Variants in CCL4L2 observed in about 807,000 individuals in gnomAD.
The protein encoded by CCL4L2 is C-C motif chemokine ligand 4 like 2.
Under a neutral mutation model 5.9 loss-of-function variants are expected in CCL4L2, and 3 were observed. That is an observed-to-expected ratio of 0.51 (90% confidence interval 0.23 to 1.32). The LOEUF is 1.32. CCL4L2 is among the 40% of genes most tolerant of loss of function. The pLI, the probability that CCL4L2 is intolerant of heterozygous loss-of-function variation, is 0.18. For synonymous variants in CCL4L2, 36 were observed against 47.6 expected, an observed-to-expected ratio of 0.76 and a Z score of 1.00; for missense variants, 74 against 121.2, an observed-to-expected ratio of 0.61 and a Z score of 1.83.
At chr17:36,211,239 C>A in intron 1 of CCL4L2, 22 bp downstream of exon 1, 1 of 1,579,936 alleles carries the variant, frequency 6.3e-7, no homozygotes, top group Non-Finnish European at 8.7e-7. Context: ...TTTGCAGCTG[C>A]TATTTCGAGT....
intron 2 of CCL4L2, chr17:36,212,225 G>C: frequency 1.4e-6 from 1 of 715,100 alleles, no homozygotes; most frequent in South Asian, 1.5e-5. Flanking sequence ...GCAGGGAATG[G>C]GGCAATCTAT....
intron 1 of CCL4L2, chr17:36,211,544 T>C: frequency 1.5e-6 from 1 of 681,432 alleles, no homozygotes; most frequent in Non-Finnish European, 2.7e-6. Context: ...GGGAGTGCGA[T>C]GTGTTCTGAG....
chr17:36,212,285 G>T, intron 2 of CCL4L2: 1 of 829,618 alleles, frequency 1.2e-6, no homozygotes, highest in Non-Finnish European at 2.1e-6. Context: ...AACCCCTGGG[G>T]CCCACAGCTA....
At position 36,211,659 on chromosome 17, in the gene CCL4L2, G is replaced by T. The variant is rs2068778991; in HGVS notation, c.77-117G>T. On this transcript the variant is annotated intron_variant, in intron 1 of 2. Coordinates refer to ENST00000617405, the MANE Select transcript of CCL4L2 (RefSeq NM_001291475.2). ...ATGTTAGGTGGGAATGGATACAAGG[G>T]ACCATATTTGGGGTTCTGGTAGCTC... 19 of 1,151,092 alleles carry T rather than the reference G, an allele frequency of 1.7e-5. 2 individuals are homozygous for T. The highest frequency in any genetic ancestry group is 1.3e-5 in the South Asian group (1 of 78,522). The allele number at this position is 1,151,092 out of a possible 1,614,324, so 71.3% of individuals were successfully genotyped here. A position where few individuals can be genotyped will look rare whatever the true frequency, so the allele number is the denominator to read the frequency against.
At chr17:36,211,914 C>G (rs765962312) in intron 2 of CCL4L2, 24 bp downstream of exon 2, 1 of 1,575,442 alleles carries the variant, frequency 6.3e-7, no homozygotes, top group Non-Finnish European at 8.7e-7. Flanking sequence ...CCTGGCTGCC[C>G]TGGGAGGCAA....
chr17:36,211,811 T>A lies in CCL4L2; in HGVS notation c.112T>A (p.Tyr38Asn). The change falls in exon 2 of 3, where the codon TAC becomes AAC. Residue 38 changes from tyrosine to asparagine, a missense_variant. By Grantham distance (143) the Tyr-to-Asn change is moderately radical. Coordinates refer to ENST00000617405, the MANE Select transcript of CCL4L2 (RefSeq NM_001291475.2). ...CCCTCCCACCGCCTGCTGCTTTTCT[T>A]ACACCGCGAGGAAGCTTCCTCGCAA... 2 of 1,579,018 alleles carry A rather than the reference T, an allele frequency of 1.3e-6. No homozygotes were observed. The highest frequency in any genetic ancestry group is 1.7e-6 in the Non-Finnish European group (2 of 1,155,518).
chr17:36,211,131 C>A lies in CCL4L2; in HGVS notation c.-11C>A. 6.3e-6 allele frequency: 10 copies of A among 1,580,434 alleles called. 1 individual carries two copies. The highest frequency in any genetic ancestry group is 7.8e-6 in the Non-Finnish European group (9 of 1,156,112). Reference sequence around the variant, plus strand: ...CCTCACCTCTGAGAAAACCTCTTTGCCACCAATACCATGAAGCTCTGCGTG... The same window carrying A: ...CCTCACCTCTGAGAAAACCTCTTTGACACCAATACCATGAAGCTCTGCGTG... On this transcript the variant is annotated 5_prime_UTR_variant, in exon 1 of 3. Transcript: ENST00000617405.
Position 36,211,791 on chromosome 17 carries a change from C to T in CCL4L2, c.92C>T (p.Pro31Leu), listed in dbSNP as rs2068782480. 6.3e-7 allele frequency: 1 copy of T among 1,578,194 alleles called. No individual in the cohort carries two copies. Among genetic ancestry groups the T allele is most frequent in the African/African-American group, 1.3e-5 (1 of 74,682 alleles). ...TTCCTTTCAGTGGGCTCAGACCCTC[C>T]CACCGCCTGCTGCTTTTCTTACACC... The change falls in exon 2 of 3, where the codon CCC becomes CTC. Residue 31 changes from proline to leucine, a missense_variant. Physicochemically the swap from Pro to Leu is moderately conservative, Grantham distance 98. Transcript: ENST00000617405.
In CCL4L2 at chr17:36,212,745, G is replaced by A; in HGVS notation, c.*322G>A. On this transcript the variant is annotated 3_prime_UTR_variant, in exon 3 of 3. Transcript: ENST00000617405. Reference sequence around the variant, plus strand: ...GGTGTTATTTCCATTATTTATATTAGTTTAGCCAAAGGATAAGTGTCCCCT... The same window carrying A: ...GGTGTTATTTCCATTATTTATATTAATTTAGCCAAAGGATAAGTGTCCCCT... 3 of 881,216 alleles carry A rather than the reference G, an allele frequency of 3.4e-6. No individual in the cohort carries two copies. Among genetic ancestry groups the A allele is most frequent in the South Asian group, 1.6e-5 (1 of 61,124 alleles). 54.6% of individuals were successfully genotyped at this position (881,216 alleles called of 1,614,324 possible).
In CCL4L2 at chr17:36,211,184, G is replaced by A; in HGVS notation, c.43G>A (p.Ala15Thr). 2 of 1,581,698 alleles carry A rather than the reference G, an allele frequency of 1.3e-6. No individual in the cohort carries two copies. The highest frequency in any genetic ancestry group is 1.7e-6 in the Non-Finnish European group (2 of 1,156,772). Residue 15 changes from alanine (A) to threonine (T), a missense_variant, in exon 1 of 3, where the codon GCT becomes ACT. Ala to Thr is a moderately conservative substitution (Grantham distance 58). Transcript: ENST00000617405. ...TGTCCTGTCTCTCCTCGTGCTAGTA[G>A]CTGCCTTCTGCTCTCTAGCACTCTC...
At chr17:36,211,471 A>G (rs1383749943) in intron 1 of CCL4L2, 1 of 700,206 alleles carries the variant, frequency 1.4e-6, no homozygotes, top group Non-Finnish European at 2.6e-6. Context: ...TCTGCCTTTA[A>G]TTATTTGTTC....
rs2068787612 is a variant in CCL4L2, at chr17:36,211,935, T to C, written c.191+45T>C. The C allele has an allele frequency of 1.7e-5, 27 of 1,559,560 alleles. 4 individuals carry two copies. Among genetic ancestry groups the C allele is most frequent in the African/African-American group, 2.7e-5 (2 of 74,706 alleles). On this transcript the variant is annotated intron_variant, in intron 2 of 2. Coordinates refer to ENST00000617405, the MANE Select transcript of CCL4L2 (RefSeq NM_001291475.2). ...TGCCCTGGGAGGCAAGGGTGAGGGC[T>C]GGATTTTTAAAGGGGGCCTGTTTTG... is the stretch of plus-strand genomic sequence containing the variant.
intron 2 of CCL4L2, chr17:36,212,208 C>T (rs2068796215): frequency 7.1e-6 from 5 of 709,042 alleles, no homozygotes; most frequent in African/African-American, 1.7e-5. Flanking sequence ...AAGTCACTAC[C>T]AGGCTGGCAG....
chr17:36,212,457 A>C lies in CCL4L2; in HGVS notation c.*34A>C. 2.5e-6 allele frequency: 4 copies of C among 1,581,020 alleles called. No homozygotes were observed. The South Asian group carries it at 3.4e-5, about 13-fold the overall frequency. ...GACCTCAAAGGTCCCATGGGATTCTAATCTGTCTGCTCCTTGTTCTACGGA... is the reference window on the plus strand; with the variant it reads ...GACCTCAAAGGTCCCATGGGATTCTCATCTGTCTGCTCCTTGTTCTACGGA... On this transcript the variant is annotated 3_prime_UTR_variant, in exon 3 of 3. Transcript: ENST00000617405.
At position 36,212,782 on chromosome 17, in the gene CCL4L2, C is replaced by T; in HGVS notation, c.*359C>T. 1 of 648,120 alleles carries T rather than the reference C, an allele frequency of 1.5e-6. No homozygotes were observed. The highest frequency in any genetic ancestry group is 2.7e-6 in the Non-Finnish European group (1 of 366,580). 40.1% of individuals were successfully genotyped at this position (648,120 alleles called of 1,614,324 possible). A position where few individuals can be genotyped will look rare whatever the true frequency, so the allele number is the denominator to read the frequency against. On this transcript the variant is annotated 3_prime_UTR_variant, in exon 3 of 3. Coordinates refer to ENST00000617405, the MANE Select transcript of CCL4L2 (RefSeq NM_001291475.2). ...GATAAGTGTCCCCTATGGGGATGGT[C>T]CACTCTCACTCTTTCTCTGCTGTTG...
In CCL4L2 at chr17:36,211,067, C is replaced by T; in HGVS notation, c.-75C>T. ...AGAGATTCCCAACTCAGTATCAGCA[C>T]AGGACACAGCTAGGTTCTGAAGCTT... On this transcript the variant is annotated 5_prime_UTR_variant, in exon 1 of 3. Transcript: ENST00000617405. 2 of 1,516,332 alleles carry T rather than the reference C, an allele frequency of 1.3e-6. No individual in the cohort carries two copies. Among genetic ancestry groups the T allele is most frequent in the East Asian group, 2.2e-5 (1 of 44,482 alleles). 93.9% of individuals were successfully genotyped at this position (1,516,332 alleles called of 1,614,324 possible).
Position 36,211,236 on chromosome 17 carries a change from C to A in CCL4L2, c.76+19C>A. ...GCACCAAGTAAGTCTACTTTTGCAG[C>A]TGCTATTTCGAGTCAAGGTGTAGGC... On this transcript the variant is annotated intron_variant, in intron 1 of 2. Transcript: ENST00000617405. 6.3e-7 allele frequency: 1 copy of A among 1,580,468 alleles called. No individual in the cohort carries two copies. The highest frequency in any genetic ancestry group is 1.1e-5 in the South Asian group (1 of 89,128).
In CCL4L2 at chr17:36,211,330, A is replaced by G. The variant is rs1372789956; in HGVS notation, c.76+113A>G. 1,218 of 1,281,704 alleles carry G rather than the reference A, an allele frequency of 9.5e-4. 95 individuals are homozygous for G. Among genetic ancestry groups the G allele is most frequent in the Middle Eastern group, 7.1e-3 (32 of 4,528 alleles). 79.4% of individuals were successfully genotyped at this position (1,281,704 alleles called of 1,614,324 possible). ...GGGATGGGACAAAAGGCAGCTAGGA[A>G]GATTGCCATGTAGTCTGCTGCTAAA... On this transcript the variant is annotated intron_variant, in intron 1 of 2. Coordinates refer to ENST00000617405, the MANE Select transcript of CCL4L2 (RefSeq NM_001291475.2).
rs1370855084 is a variant in CCL4L2 at position 36,211,933 on chromosome 17, G to A, written c.191+43G>A. On this transcript the variant is annotated intron_variant, in intron 2 of 2. Transcript: ENST00000617405. Reference sequence around the variant, plus strand: ...GCTGCCCTGGGAGGCAAGGGTGAGGGCTGGATTTTTAAAGGGGGCCTGTTT... The same window carrying A: ...GCTGCCCTGGGAGGCAAGGGTGAGGACTGGATTTTTAAAGGGGGCCTGTTT... The A allele has an allele frequency of 9.5e-5, 148 of 1,563,428 alleles. 19 individuals are homozygous for A. Among genetic ancestry groups the A allele is most frequent in the Non-Finnish European group, 1.3e-4 (147 of 1,141,014 alleles).
Sources: allele counts gnomAD v4.1 joint callset, GRCh38; gene constraint gnomAD v4.1.1; transcripts MANE v1.5; gene names NCBI Gene and HGNC (gene_info 2026-07-23, HGNC 2026-07-21).